The following SMC6 variants were observed in gnomAD, a reference collection of about 807,000 sequenced individuals.
The protein encoded by SMC6 is structural maintenance of chromosomes 6.
A neutral mutation model predicts 142.2 loss-of-function variants in SMC6; 79 were observed. The ratio of observed to expected loss-of-function variants is 0.56; its 90% CI spans 0.46 to 0.67. The LOEUF (loss-of-function observed/expected upper bound fraction) is 0.67. Among genes scored for constraint, SMC6 ranks in the 30% least tolerant of loss-of-function variants. The pLI is 0.00. For missense variants in SMC6, 1,072 were observed against 1,284.0 expected (o/e 0.83, Z 2.52); for synonymous variants, 411 against 412.4 (o/e 1.00, Z 0.04).
At chr2:17,688,552 G>A (rs117325779) in intron 23 of SMC6, among the ~76,000 whole-genome samples, 1,947 of 152,108 alleles carry the variant, frequency 0.013, 21 homozygotes, top group East Asian at 0.031. Context: ...ACAACAGAGC[G>A]AGACCCTGTC....
intron 3 of SMC6, among the ~76,000 whole-genome samples, chr2:17,742,552 C>T (rs528960994): frequency 1.1e-4 from 16 of 152,226 alleles, no homozygotes; most frequent in Admixed American, 3.9e-4. Flanking sequence ...CAGAACAAAT[C>T]AGCCTTATTT....
chr2:17,743,416 C>A (rs1670573223), intron 3 of SMC6, among the ~76,000 whole-genome samples: 1 of 151,308 alleles, frequency 6.6e-6, no homozygotes, highest in Non-Finnish European at 1.5e-5. Context: ...CTAACTATTT[C>A]ATTTTTTAAT....
chr2:17,698,488 C>G (rs889434119), intron 21 of SMC6, among the ~76,000 whole-genome samples: 3 of 151,728 alleles, frequency 2.0e-5, no homozygotes, highest in Non-Finnish European at 4.4e-5. Context: ...CCTTTTTTGT[C>G]TCTGGTAATT....
At chr2:17,742,511 A>G (rs1670522650) in intron 3 of SMC6, among the ~76,000 whole-genome samples, 1 of 152,196 alleles carries the variant, frequency 6.6e-6, no homozygotes, top group Non-Finnish European at 1.5e-5. Context: ...GGCAAATGGT[A>G]GTCACTTGCA....
At chr2:17,729,309 C>T (rs1238531231) in intron 7 of SMC6, among the ~76,000 whole-genome samples, 1 of 152,152 alleles carries the variant, frequency 6.6e-6, no homozygotes, top group Non-Finnish European at 1.5e-5. Flanking sequence ...AAACAATGAA[C>T]CTGAATCTTT....
intron 5 of SMC6, among the ~76,000 whole-genome samples, chr2:17,732,740 TAA>T (rs1412094460): frequency 6.6e-6 from 1 of 151,956 alleles, no homozygotes; most frequent in Non-Finnish European, 1.5e-5. Flanking sequence ...CAAAATTTCT[TAA>T]AGCTTTACTG....
intron 16 of SMC6, among the ~76,000 whole-genome samples, chr2:17,710,924 A>C (rs2124976405): frequency 6.6e-6 from 1 of 152,312 alleles, no homozygotes; most frequent in African/African-American, 2.4e-5. Flanking sequence ...TTTAGGACAG[A>C]GTTCAGGTGG....
chr2:17,676,489 T>C (rs1273823807), intron 25 of SMC6, among the ~76,000 whole-genome samples: 1 of 152,170 alleles, frequency 6.6e-6, no homozygotes, highest in Non-Finnish European at 1.5e-5. Flanking sequence ...AGTCTTCCAA[T>C]TTTATTCTTC....
At position 17,701,925 on chromosome 2, in the gene SMC6, T is replaced by C. The variant is rs1452980500; in HGVS notation, c.2143-16A>G. 1 of 1,417,998 alleles carries C rather than the reference T, an allele frequency of 7.1e-7. No individual in the cohort carries two copies. Among genetic ancestry groups the C allele is most frequent in the East Asian group, 2.4e-5 (1 of 42,184 alleles). 87.8% of individuals were successfully genotyped at this position (1,417,998 alleles called of 1,614,324 possible). On this transcript the variant is annotated splice_polypyrimidine_tract_variant and intron_variant, in intron 19 of 27. Transcript: ENST00000448223. ...TTATTTTCATCTAAAAGAAAAGTATTTGGATTTTAGTAACATAAAAAAAAA... is the reference window on the plus strand; with the variant it reads ...TTATTTTCATCTAAAAGAAAAGTATCTGGATTTTAGTAACATAAAAAAAAA...
Position 17,703,157 on chromosome 2 carries a change from C to A in SMC6, c.2142G>T (p.Lys714Asn). The change falls in exon 19 of 28, where the codon AAG becomes AAT. Residue 714 changes from lysine (K) to asparagine (N), a missense_variant and splice_region_variant. Physicochemically the swap from Lys to Asn is moderately conservative, Grantham distance 94. Coordinates refer to ENST00000448223, the MANE Select transcript of SMC6 (RefSeq NM_001142286.2). ...KRCQLHYKEL[K>N]MKIRKNISEI... ...AGGTTTATTATTATTATTTTTTTAC[C>A]TTTAGTTCTTTATAATGTAGTTGGC... The A allele has an allele frequency of 2.2e-6, 3 of 1,356,862 alleles. No homozygotes were observed. Among genetic ancestry groups the A allele is most frequent in the South Asian group, 1.4e-5 (1 of 71,920 alleles). The allele number at this position is 1,356,862 out of a possible 1,614,324, so 84.1% of individuals were successfully genotyped here.
intron 26 of SMC6, among the ~76,000 whole-genome samples, chr2:17,667,267 C>T (rs143931303): frequency 2.0e-4 from 30 of 152,320 alleles, no homozygotes; most frequent in African/African-American, 7.0e-4. Context: ...TTTAAAAAGT[C>T]TGCCTCTCCC....
intron 3 of SMC6, among the ~76,000 whole-genome samples, chr2:17,743,251 C>G (rs1191342461): frequency 6.6e-6 from 1 of 152,038 alleles, no homozygotes; most frequent in Non-Finnish European, 1.5e-5. Context: ...ATTTACATAT[C>G]ATTTTGGGGG....
rs568254880 is a variant in SMC6, at chr2:17,664,459, A to G, written c.*1040T>C. 2.0e-5 allele frequency: 3 copies of G among 152,320 alleles called. No individual in the cohort carries two copies. The East Asian group carries it at 5.8e-4, about 29-fold the overall frequency. The allele number at this position is 152,320 out of a possible 1,614,324, so 9.4% of individuals were successfully genotyped here. On this transcript the variant is annotated 3_prime_UTR_variant, in exon 28 of 28. Coordinates refer to ENST00000448223, the MANE Select transcript of SMC6 (RefSeq NM_001142286.2). The stretch of plus-strand genomic sequence containing the variant: ...CAATTTCATATTTATTCTAATATTT[A>G]TTGCTACTAATGTAAGGAATGCTTC...
At chr2:17,744,943 T>C (rs1214872429) in intron 3 of SMC6, among the ~76,000 whole-genome samples, 1 of 152,232 alleles carries the variant, frequency 6.6e-6, no homozygotes, top group African/African-American at 2.4e-5. Flanking sequence ...TTATGACGTA[T>C]AATTCTTTTT....
intron 25 of SMC6, among the ~76,000 whole-genome samples, chr2:17,676,369 A>C (rs544259099): frequency 1.2e-4 from 19 of 152,298 alleles, no homozygotes; most frequent in Admixed American, 7.2e-4. Context: ...TACTTTAAAA[A>C]AAATTATCAA....
At chr2:17,666,585 G>A in intron 26 of SMC6, 68 bp from the exon 27 acceptor site, 2 of 1,153,622 alleles carry the variant, frequency 1.7e-6, no homozygotes, top group South Asian at 1.3e-5. Context: ...GCAGCATTCT[G>A]TGGGCTGATA....
At chr2:17,713,996 AAAG>A (rs1668954478) in intron 16 of SMC6, among the ~76,000 whole-genome samples, 4 of 152,230 alleles carry the variant, frequency 2.6e-5, no homozygotes, top group Admixed American at 1.3e-4. Context: ...ACTTAATTAA[AAAG>A]AAGGTTTATT....
chr2:17,671,091 C>G (rs935285867), intron 25 of SMC6, among the ~76,000 whole-genome samples: 3 of 149,568 alleles, frequency 2.0e-5, no homozygotes, highest in African/African-American at 4.9e-5. Flanking sequence ...CCAGGCTGGT[C>G]TTGAACTCCT....
Position 17,731,990 on chromosome 2 carries a change from GC to G in SMC6, c.345-114del. 4.6e-6 allele frequency: 5 copies of G among 1,075,740 alleles called. No homozygotes were observed. The South Asian group carries it at 8.4e-5, about 18-fold the overall frequency. The allele number at this position is 1,075,740 out of a possible 1,614,324, so 66.6% of individuals were successfully genotyped here. ...ACCAAATAATTTGGCCAATTCATTT[GC>G]AAATTAGATTTACATCAACAGCTGA... is the stretch of plus-strand genomic sequence containing the variant. On this transcript the variant is annotated intron_variant, in intron 5 of 27. Transcript: ENST00000448223.
Sources: gnomAD v4.1 joint callset for allele counts (sites outside exome capture counted in the v4.1 genomes callset) on GRCh38, gnomAD v4.1.1 for gene constraint, MANE v1.5 for transcripts, NCBI Gene and HGNC (gene_info 2026-07-23, HGNC 2026-07-21) for gene names.